GRM8: variants seen among roughly 807,000 people sequenced by gnomAD.
GRM8 encodes glutamate metabotropic receptor 8, also known as metabotropic glutamate receptor 8.
GRM8 carries 47 observed loss-of-function variants against 87.2 expected under a neutral mutation model. The observed-to-expected ratio is 0.54, with a 90% CI of 0.43 to 0.69. GRM8 has a LOEUF of 0.69. Among genes scored for constraint, GRM8 ranks in the 30% least tolerant of loss-of-function variants. The pLI, the probability that GRM8 is intolerant of heterozygous loss-of-function variation, is 0.00. For missense variants in GRM8, 1,019 were observed against 1,139.2 expected (o/e 0.89, Z 1.52); for synonymous variants, 396 against 404.5 (o/e 0.98, Z 0.25).
chr7:127,231,580 T>C (rs1427373654), intron 2 of GRM8, among the ~76,000 whole-genome samples: 1 of 152,200 alleles, frequency 6.6e-6, no homozygotes, highest in African/African-American at 2.4e-5. Context: ...TGAAGCCTTT[T>C]AGTGCTTTCA....
At chr7:127,032,454 C>A (rs559216692) in intron 3 of GRM8, among the ~76,000 whole-genome samples, 32 of 152,250 alleles carry the variant, frequency 2.1e-4, no homozygotes, top group African/African-American at 7.5e-4. Context: ...TCAGGTCACA[C>A]TCCTGGGACA....
chr7:126,916,322 C>T (rs761304113), intron 3 of GRM8, among the ~76,000 whole-genome samples: 1 of 152,190 alleles, frequency 6.6e-6, no homozygotes, highest in African/African-American at 2.4e-5. Flanking sequence ...GCTGTGAACA[C>T]TCATTGGATG....
intron 7 of GRM8, among the ~76,000 whole-genome samples, chr7:126,719,695 T>C (rs1281904530): frequency 1.3e-5 from 2 of 152,142 alleles, no homozygotes; most frequent in Non-Finnish European, 2.9e-5. Flanking sequence ...CACTAGTTTT[T>C]AGCAGGGTAA....
chr7:127,035,302 T>C (rs1341975054), intron 3 of GRM8, among the ~76,000 whole-genome samples: 1 of 152,208 alleles, frequency 6.6e-6, no homozygotes, highest in East Asian at 1.9e-4. Flanking sequence ...GCTGTGTCTA[T>C]ACGGTGCCAG....
intron 8 of GRM8, among the ~76,000 whole-genome samples, chr7:126,604,929 C>A (rs1798199316): frequency 2.0e-5 from 3 of 152,100 alleles, no homozygotes; most frequent in Non-Finnish European, 4.4e-5. Context: ...ATTGGGACAC[C>A]CTTGTGAAGT....
chr7:126,568,095 GA>G (rs1794394382), intron 8 of GRM8, among the ~76,000 whole-genome samples: 1 of 152,010 alleles, frequency 6.6e-6, no homozygotes. Context: ...ATTATAAAAA[GA>G]AAAGACATTT....
intron 9 of GRM8, among the ~76,000 whole-genome samples, chr7:126,457,847 T>TA (rs113687769): frequency 0.015 from 2,135 of 140,916 alleles, 45 homozygotes; most frequent in African/African-American, 0.051. Flanking sequence ...TCAACAAAGC[T>TA]AAAAAAAAAA....
chr7:127,079,847 T>A (rs1822665845), intron 3 of GRM8, among the ~76,000 whole-genome samples: 1 of 152,288 alleles, frequency 6.6e-6, no homozygotes, highest in Non-Finnish European at 1.5e-5. Context: ...TTTTTTTCCT[T>A]AAGTACTCCC....
Position 126,503,619 on chromosome 7 carries a change from T to G in GRM8, c.2430+29333A>C, listed in dbSNP as rs776612007. On this transcript the variant is annotated intron_variant, in intron 9 of 10. Coordinates refer to ENST00000339582, the MANE Select transcript of GRM8 (RefSeq NM_000845.3). ...AGGTTTAAAATCTTTTAGCTTAATG[T>G]GTACTTCAGAAATATGCATTATATA... 6.4e-4 allele frequency among the ~76,000 whole-genome samples: 98 copies of G among 152,112 alleles called. 2 individuals carry two copies. Among genetic ancestry groups the G allele is most frequent in the Non-Finnish European group, 4.0e-4 (27 of 67,986 alleles).
At chr7:126,799,717 A>G (rs1365273162) in intron 6 of GRM8, among the ~76,000 whole-genome samples, 2 of 152,156 alleles carry the variant, frequency 1.3e-5, no homozygotes, top group African/African-American at 4.8e-5. Context: ...GAGTACAAGA[A>G]ATAGTGGCTG....
At chr7:126,649,562 T>C (rs1256780153) in intron 7 of GRM8, among the ~76,000 whole-genome samples, 2 of 152,190 alleles carry the variant, frequency 1.3e-5, no homozygotes, top group African/African-American at 4.8e-5. Flanking sequence ...ATCCTATTAG[T>C]TCTGTCCCTC....
At chr7:126,762,340 T>C (rs776204333) in intron 7 of GRM8, among the ~76,000 whole-genome samples, 15 of 152,022 alleles carry the variant, frequency 9.9e-5, no homozygotes, top group Non-Finnish European at 1.5e-4. Flanking sequence ...TAGTATAATC[T>C]TTCCATTTAA....
chr7:127,028,072 A>T (rs1184775253), intron 3 of GRM8, among the ~76,000 whole-genome samples: 2 of 152,196 alleles, frequency 1.3e-5, no homozygotes, highest in Non-Finnish European at 2.9e-5. Context: ...ACTTTTCTGC[A>T]TCTACTGAGA....
At chr7:126,814,744 T>C (rs1487296354) in intron 6 of GRM8, among the ~76,000 whole-genome samples, 2 of 151,876 alleles carry the variant, frequency 1.3e-5, no homozygotes, top group African/African-American at 4.8e-5. Flanking sequence ...ACATACTCAT[T>C]CTAATGCCAT....
intron 9 of GRM8, among the ~76,000 whole-genome samples, chr7:126,503,923 A>T (rs1040913389): frequency 6.6e-6 from 1 of 151,980 alleles, no homozygotes; most frequent in Non-Finnish European, 1.5e-5. Flanking sequence ...CATTGATCAC[A>T]TGAAGGATGT....
intron 8 of GRM8, among the ~76,000 whole-genome samples, chr7:126,587,956 T>C (rs906662849): frequency 6.6e-6 from 1 of 150,874 alleles, no homozygotes; most frequent in Non-Finnish European, 1.5e-5. Context: ...GTTTAAAGTA[T>C]GTTCTTAGTA....
chr7:126,650,941 C>T (rs1456506751), intron 7 of GRM8, among the ~76,000 whole-genome samples: 2 of 152,048 alleles, frequency 1.3e-5, no homozygotes, highest in Admixed American at 6.5e-5. Flanking sequence ...CTGCTGAGTG[C>T]CCGATTTGCC....
At chr7:126,839,456 G>T (rs1365991206) in intron 6 of GRM8, among the ~76,000 whole-genome samples, 1 of 152,172 alleles carries the variant, frequency 6.6e-6, no homozygotes, top group African/African-American at 2.4e-5. Context: ...CTAGCTCAAA[G>T]ATCCAGATAT....
intron 3 of GRM8, among the ~76,000 whole-genome samples, chr7:127,093,661 T>C (rs1282494419): frequency 2.6e-5 from 4 of 152,364 alleles, no homozygotes; most frequent in Middle Eastern, 3.4e-3. Context: ...AAAATATGTT[T>C]AAATCATTAC....
Sources: allele counts gnomAD v4.1 joint callset (sites outside exome capture counted in the v4.1 genomes callset), GRCh38; gene constraint gnomAD v4.1.1; transcripts MANE v1.5; gene names NCBI Gene and HGNC (gene_info 2026-07-23, HGNC 2026-07-21).